The following PDE1C variants were observed in gnomAD, a reference collection of about 807,000 sequenced individuals.
PDE1C encodes the protein dual specificity calcium/calmodulin-dependent 3',5'-cyclic nucleotide phosphodiesterase 1C.
A neutral mutation model predicts 93.1 loss-of-function variants in PDE1C; 62 were observed. The observed-to-expected ratio is 0.67, with a 90% confidence interval of 0.54 to 0.82. The LOEUF is 0.82. PDE1C is among the 40% of genes least tolerant of loss of function. The pLI is 0.00. For synonymous variants in PDE1C, 325 were observed against 310.1 expected, an observed-to-expected ratio of 1.05 and a Z score of -0.50; for missense variants, 742 against 884.6, an observed-to-expected ratio of 0.84 and a Z score of 2.04.
intron 3 of PDE1C, among the ~76,000 whole-genome samples, chr7:32,152,952 C>T (rs184246141): frequency 1.3e-5 from 2 of 152,224 alleles, no homozygotes; most frequent in Admixed American, 6.5e-5. Flanking sequence ...CATTTTATCT[C>T]TCATCATTTA....
chr7:32,159,359 A>G (rs1215041267), intron 3 of PDE1C, among the ~76,000 whole-genome samples: 1 of 152,234 alleles, frequency 6.6e-6, no homozygotes, highest in East Asian at 1.9e-4. Flanking sequence ...GGGTTAAATT[A>G]TCATAAGGTA....
chr7:31,842,024 C>T (rs938520323), intron 9 of PDE1C, among the ~76,000 whole-genome samples: 14 of 152,116 alleles, frequency 9.2e-5, no homozygotes, highest in Non-Finnish European at 2.1e-4. Context: ...GAAGGGCAAT[C>T]TGCTTTACTC....
At chr7:31,804,659 C>G (rs1786563073) in intron 16 of PDE1C, among the ~76,000 whole-genome samples, 1 of 151,742 alleles carries the variant, frequency 6.6e-6, no homozygotes, top group Non-Finnish European at 1.5e-5. Flanking sequence ...GAACTTTCGT[C>G]TTTTTACTTA....
intron 1 of PDE1C, among the ~76,000 whole-genome samples, chr7:32,286,879 A>G (rs1445602400): frequency 6.6e-6 from 1 of 152,226 alleles, no homozygotes; most frequent in East Asian, 1.9e-4. Flanking sequence ...AATAAAATTA[A>G]TAATGCTATC....
chr7:32,131,547 C>T (rs939873802), intron 3 of PDE1C, among the ~76,000 whole-genome samples: 7 of 152,136 alleles, frequency 4.6e-5, no homozygotes, highest in Admixed American at 2.0e-4. Context: ...ATGAAACCAT[C>T]TCATTAGAGT....
chr7:32,077,860 T>C (rs181841573), intron 3 of PDE1C: 224 of 985,162 alleles, frequency 2.3e-4, no homozygotes, highest in African/African-American at 1.7e-3. Flanking sequence ...TACTTTATTA[T>C]TATTATTACC....
chr7:32,224,139 G>A (rs1308631155), intron 1 of PDE1C, among the ~76,000 whole-genome samples: 6 of 152,186 alleles, frequency 3.9e-5, no homozygotes, highest in South Asian at 2.1e-4. Flanking sequence ...TTGGGAGGCC[G>A]AGGTGGGTGG....
intron 1 of PDE1C, among the ~76,000 whole-genome samples, chr7:32,238,904 A>G (rs1808341111): frequency 6.6e-6 from 1 of 152,180 alleles, no homozygotes. Context: ...TCCTCAGGGT[A>G]TGAAAGGACT....
At chr7:31,744,223 C>T in the PDE1C span, among the ~76,000 whole-genome samples, 1 of 152,056 alleles carries the variant, frequency 6.6e-6, no homozygotes, top group South Asian at 2.1e-4. Context: ...TCCCTGAGCT[C>T]TATTTTCTTC....
the PDE1C span, chr7:31,643,964 A>C: frequency 6.3e-7 from 1 of 1,587,490 alleles, no homozygotes. Context: ...GTAAGTGTTC[A>C]CCCTGGCAAA....
chr7:32,380,052 G>C (rs1784504860), intron 1 of PDE1C, among the ~76,000 whole-genome samples: 1 of 152,022 alleles, frequency 6.6e-6, no homozygotes, highest in African/African-American at 2.4e-5. Flanking sequence ...CTATCTATTG[G>C]ATCATTCCCA....
the PDE1C span, among the ~76,000 whole-genome samples, chr7:31,640,636 G>A: frequency 1.4e-5 from 2 of 140,836 alleles, no homozygotes; most frequent in Non-Finnish European, 3.2e-5. Context: ...CCATTGTCTC[G>A]AAAAACTTTT....
intron 2 of PDE1C, among the ~76,000 whole-genome samples, chr7:31,990,982 G>C: frequency 6.6e-6 from 1 of 152,080 alleles, no homozygotes; most frequent in East Asian, 1.9e-4. Flanking sequence ...AGCAAATAAG[G>C]TTTCTAGCTC....
intron 3 of PDE1C, among the ~76,000 whole-genome samples, chr7:32,091,554 C>A (rs548696051): frequency 6.6e-6 from 1 of 152,158 alleles, no homozygotes; most frequent in South Asian, 2.1e-4. Flanking sequence ...GGGCAACAGC[C>A]GGATCATTAG....
rs370898354 is a variant in PDE1C at position 32,172,132 on chromosome 7, G to C, written c.137-2176C>G. On this transcript the variant is annotated intron_variant, in intron 2 of 18. Transcript: ENST00000396193. ...CTATGAGCAAAAAATTTTTTAAGTA[G>C]AGCCTGAAGACATTACCATTACCAT... Among the ~76,000 whole-genome samples, 204 of 151,662 alleles carry C rather than the reference G, an allele frequency of 1.3e-3. 3 individuals are homozygous for C. The highest frequency in any genetic ancestry group is 4.4e-3 in the African/African-American group (182 of 41,372).
intron 2 of PDE1C, among the ~76,000 whole-genome samples, chr7:31,951,909 A>G (rs1807426852): frequency 6.6e-6 from 1 of 152,168 alleles, no homozygotes. Context: ...ACCAGCTTAC[A>G]GTTCCACTTG....
chr7:31,755,908 G>A (rs1018883689), intron 17 of PDE1C, among the ~76,000 whole-genome samples: 1 of 152,216 alleles, frequency 6.6e-6, no homozygotes, highest in Admixed American at 6.5e-5. Flanking sequence ...GCTCATGCCT[G>A]TAATCCCAGC....
chr7:32,057,755 C>CT (rs1794309336), intron 1 of PDE1C, among the ~76,000 whole-genome samples: 1 of 152,130 alleles, frequency 6.6e-6, no homozygotes, highest in Admixed American at 6.6e-5. Flanking sequence ...AGCAAGGATG[C>CT]TTTTAAGGGT....
At chr7:31,760,102 A>T (rs576449776) in intron 17 of PDE1C, among the ~76,000 whole-genome samples, 6 of 152,290 alleles carry the variant, frequency 3.9e-5, no homozygotes, top group African/African-American at 1.4e-4. Context: ...GGTTGTGGGG[A>T]GAGGGTTTCC....
Sources: gnomAD v4.1 joint callset for allele counts (sites outside exome capture counted in the v4.1 genomes callset) on GRCh38, gnomAD v4.1.1 for gene constraint, MANE v1.5 for transcripts, NCBI Gene and HGNC (gene_info 2026-07-23, HGNC 2026-07-21) for gene names.